The following RTEL1 variants were observed in gnomAD, a reference collection of about 807,000 sequenced individuals.
RTEL1 encodes regulator of telomere elongation helicase 1, also known as regulator of telomere length.
Under a neutral mutation model 162.2 loss-of-function variants are expected in RTEL1, and 86 were observed. The ratio of observed to expected loss-of-function variants is 0.53; its 90% CI spans 0.45 to 0.63. RTEL1 has a LOEUF of 0.63. RTEL1 is among the 30% of genes least tolerant of loss of function. The pLI, the probability that RTEL1 is intolerant of heterozygous loss-of-function variation, is 0.00. For synonymous variants in RTEL1, 958 were observed against 717.9 expected, an observed-to-expected ratio of 1.33 and a Z score of -5.35; for missense variants, 1,941 against 1,750.2, an observed-to-expected ratio of 1.11 and a Z score of -1.95.
intron 10 of RTEL1, among the ~76,000 whole-genome samples, chr20:63,677,030 A>G (rs141269706): frequency 1.4e-3 from 198 of 146,000 alleles, no homozygotes; most frequent in African/African-American, 4.9e-3. Flanking sequence ...CTCACTCCTG[A>G]CCTCAGTTGC....
chr20:63,694,202 G>T, intron 30 of RTEL1, 170 bp from the exon 31 acceptor site: 1 of 633,284 alleles, frequency 1.6e-6, no homozygotes, highest in Middle Eastern at 2.6e-4. Flanking sequence ...CATCCAGCAG[G>T]CTGGTGTCTC....
chr20:63,667,349 C>A, intron 7 of RTEL1, 120 bp from the exon 8 acceptor site: 1 of 793,518 alleles, frequency 1.3e-6, no homozygotes, highest in Non-Finnish European at 2.2e-6. Context: ...CAGGCAGCAG[C>A]TTCCCACCTG....
rs991120821 is a variant in RTEL1, at chr20:63,688,301, G to A, written c.1637G>A (p.Gly546Asp). The change falls in exon 20 of 35, where the codon GGC (glycine) becomes GAC (aspartate). Residue 546 changes from glycine (G) to aspartate (D), a missense_variant and splice_region_variant. Physicochemically the swap from Gly to Asp is moderately conservative, Grantham distance 94 (BLOSUM62 -1). Transcript: ENST00000360203. Reference sequence around the variant, plus strand: ...TTGACCCCGGCCCCTGCACTTCCAGGCAACATCGCCCGCGTGGTGCCCTAT... The same window carrying A: ...TTGACCCCGGCCCCTGCACTTCCAGACAACATCGCCCGCGTGGTGCCCTAT... ...ECLSSLGKALGNIARVVPYGL... is the reference protein window; with the variant it reads ...ECLSSLGKALDNIARVVPYGL... 1.2e-5 allele frequency: 20 copies of A among 1,611,948 alleles called. No individual in the cohort carries two copies. Among genetic ancestry groups the A allele is most frequent in the Non-Finnish European group, 1.6e-5 (19 of 1,179,910 alleles).
In RTEL1 at chr20:63,695,386, A is replaced by G. The variant is rs2145479536; in HGVS notation, c.3558A>G (p.Arg1186=). The G allele has an allele frequency of 6.4e-7, 1 of 1,554,874 alleles. No homozygotes were observed. Among genetic ancestry groups the G allele is most frequent in the Non-Finnish European group, 8.7e-7 (1 of 1,149,950 alleles). Residue 1186 remains arginine (R), a synonymous_variant, in exon 34 of 35, where the codon AGA becomes AGG. Transcript: ENST00000360203. ...AGAGCAAGATCTCGTCCTTCCTTAG[A>G]CAGAGGCCAGCAGGGACTGTGGGGG... ...KTQSKISSFL[R]QRPAGTVGAG...
chr20:63,685,834 G>A lies in RTEL1; in HGVS notation c.1310G>A (p.Arg437Gln), dbSNP rs537151019. The A allele has an allele frequency of 5.0e-6, 8 of 1,612,662 alleles. No individual in the cohort carries two copies. Among genetic ancestry groups the A allele is most frequent in the African/African-American group, 2.7e-5 (2 of 75,056 alleles). Residue 437 changes from arginine to glutamine, a missense_variant, in exon 16 of 35, where the codon CGG becomes CAG. Arg to Gln is a conservative substitution (Grantham distance 43). Transcript: ENST00000360203. ...PDAGHRRTAQ[R>Q]SDAWSTTAAR... ...GCTGGTCACCGGAGGACGGCTCAGC[G>A]GTCTGATGCCTGGAGCACCACTGCA...
intron 14 of RTEL1, among the ~76,000 whole-genome samples, chr20:63,683,986 C>A (rs1243989396): frequency 1.1e-4 from 14 of 131,926 alleles, no homozygotes; most frequent in Non-Finnish European, 1.8e-4. Flanking sequence ...CATATTCTTT[C>A]CTTGTCTCAT....
rs770018942 is a variant in RTEL1 at position 63,692,926 on chromosome 20, C to G, written c.2774C>G (p.Ser925Cys). 2 of 1,612,560 alleles carry G rather than the reference C, an allele frequency of 1.2e-6. No homozygotes were observed. The highest frequency in any genetic ancestry group is 3.3e-5 in the Admixed American group (2 of 59,998). ...FTQALQDYKG[S>C]DDFAALAACL... ...CAGGCCCTGCAGGACTACAAGGGTT[C>G]CGATGACTTCGCCGCCCTGGCCGCC... Residue 925 changes from serine (S) to cysteine (C), a missense_variant, in exon 29 of 35, where the codon TCC (serine) becomes TGC (cysteine). Transcript: ENST00000360203.
chr20:63,694,577 G>T, intron 31 of RTEL1, 89 bp downstream of exon 31: 1 of 1,275,686 alleles, frequency 7.8e-7, no homozygotes. Context: ...GGCCGGGGCT[G>T]CCCCTGTGGG....
intron 14 of RTEL1, chr20:63,682,243 A>G (rs2090490980): frequency 1.0e-6 from 1 of 985,288 alleles, no homozygotes; most frequent in South Asian, 4.7e-5. Context: ...GCTATGGAGA[A>G]GACTCCACAC....
chr20:63,674,293 C>A (rs2090306301), intron 10 of RTEL1, among the ~76,000 whole-genome samples, 200 bp downstream of exon 10: 1 of 152,232 alleles, frequency 6.6e-6, no homozygotes, highest in Non-Finnish European at 1.5e-5. Context: ...CAGGCTGGCA[C>A]TGCAGGGCAT....
At chr20:63,666,387 T>C (rs1160987316) in intron 7 of RTEL1, among the ~76,000 whole-genome samples, 1 of 151,408 alleles carries the variant, frequency 6.6e-6, no homozygotes, top group East Asian at 1.9e-4. Flanking sequence ...TTGGCTGTTT[T>C]CACTCAGCGT....
chr20:63,693,856 G>T (rs917163882), intron 30 of RTEL1, among the ~76,000 whole-genome samples: 3 of 147,120 alleles, frequency 2.0e-5, no homozygotes, highest in Non-Finnish European at 3.0e-5. Flanking sequence ...GCACAGCCCT[G>T]TCCAACTGCC....
At position 63,661,391 on chromosome 20, in the gene RTEL1, G is replaced by A. The variant is rs755641587; in HGVS notation, c.196G>A (p.Gly66Ser). ...TLAWREHLRD[G>S]ISARKIAERA... is the part of the protein sequence containing the mutation. ...GGCCTGGCGAGAACACCTCCGAGACGGCATCTCTGCCCGCAAGATTGCCGA... is the reference window on the plus strand; with the variant it reads ...GGCCTGGCGAGAACACCTCCGAGACAGCATCTCTGCCCGCAAGATTGCCGA... The change falls in exon 3 of 35, where the codon GGC becomes AGC. Residue 66 changes from glycine to serine, a missense_variant. Coordinates refer to ENST00000360203, the MANE Select transcript of RTEL1 (RefSeq NM_001283009.2). This position sits in a 1 kb window ranked among gnomAD's most constrained non-coding sequence, Gnocchi z 5.1. The A allele has an allele frequency of 8.1e-6, 13 of 1,613,910 alleles. No homozygotes were observed. The East Asian group carries it at 8.9e-5, about 11-fold the overall frequency.
chr20:63,676,049 CTTCAGTT>C (rs1384340119), intron 10 of RTEL1, among the ~76,000 whole-genome samples: 1 of 152,024 alleles, frequency 6.6e-6, no homozygotes, highest in East Asian at 1.9e-4. Flanking sequence ...AGGACCAGAA[CTTCAGTT>C]TTCATCCCTA....
intron 9 of RTEL1, among the ~76,000 whole-genome samples, chr20:63,673,512 C>T (rs1174521001): frequency 6.6e-6 from 1 of 152,108 alleles, no homozygotes; most frequent in East Asian, 1.9e-4. Context: ...GATCTTGGCC[C>T]ACTGCAACCT....
chr20:63,680,202 C>G (rs982380725), intron 13 of RTEL1, among the ~76,000 whole-genome samples: 2 of 152,212 alleles, frequency 1.3e-5, no homozygotes, highest in Non-Finnish European at 2.9e-5. Flanking sequence ...GAAAGAGCAG[C>G]CCAAGGCCCT....
At chr20:63,667,131 G>A (rs931557106) in intron 7 of RTEL1, among the ~76,000 whole-genome samples, 16 of 152,272 alleles carry the variant, frequency 1.1e-4, no homozygotes, top group East Asian at 5.8e-4. Flanking sequence ...GAGCCACCGC[G>A]CCCGGCCCAG....
chr20:63,682,312 C>T (rs777278123), intron 14 of RTEL1: 2 of 984,890 alleles, frequency 2.0e-6, no homozygotes, highest in African/African-American at 1.7e-5. Context: ...GAAGACTCCA[C>T]ACTCTGGAAC....
chr20:63,684,596 G>A (rs894490734), intron 14 of RTEL1, among the ~76,000 whole-genome samples: 2 of 152,048 alleles, frequency 1.3e-5, no homozygotes, highest in South Asian at 2.1e-4. Context: ...CTCGTGATCC[G>A]CCTCCCAAAG....
Sources: allele counts gnomAD v4.1 joint callset (sites outside exome capture counted in the v4.1 genomes callset), GRCh38; gene constraint gnomAD v4.1.1; non-coding constraint Gnocchi (gnomAD v3.1); transcripts MANE v1.5; gene names NCBI Gene and HGNC (gene_info 2026-07-23, HGNC 2026-07-21).